The following PCDH11X variants were observed in gnomAD, a reference collection of about 807,000 sequenced individuals.
PCDH11X encodes the protein protocadherin 11 X-linked.
PCDH11X carries 18 observed loss-of-function variants against 53.3 expected under a neutral mutation model. That is an observed-to-expected ratio of 0.34 (90% confidence interval 0.23 to 0.50). PCDH11X has a LOEUF of 0.50. PCDH11X is among the 20% of genes least tolerant of loss of function. PCDH11X has a pLI of 0.98. For missense variants in PCDH11X, 570 were observed against 1,032.4 expected, an observed-to-expected ratio of 0.55 and a Z score of 6.14; for synonymous variants, 279 against 393.3, an observed-to-expected ratio of 0.71 and a Z score of 3.44.
At chrX:92,317,055 T>G (rs778461287) in intron 8 of PCDH11X, among the ~76,000 whole-genome samples, 59 of 111,608 alleles carry the variant, frequency 5.3e-4, no homozygotes, top group African/African-American at 1.9e-3. Context: ...AGAAAGTAAT[T>G]TGTAAAACTG....
chrX:92,286,523 T>C (rs1253353056), intron 8 of PCDH11X, among the ~76,000 whole-genome samples: 3 of 102,734 alleles, frequency 2.9e-5, no homozygotes, highest in African/African-American at 1.1e-4. Flanking sequence ...TAAAATAAGA[T>C]AAACAAAAGG....
At chrX:91,836,634 A>G (rs2563757) in intron 5 of PCDH11X, among the ~76,000 whole-genome samples, 12,799 of 110,651 alleles carry the variant, frequency 0.12, 1,933 homozygotes, top group African/African-American at 0.4. Context: ...TTTAGTCAAT[A>G]TTCTGTTAAT....
chrX:92,566,515 AT>A (rs1921489671), intron 10 of PCDH11X, among the ~76,000 whole-genome samples: 1 of 109,365 alleles, frequency 9.1e-6, no homozygotes, highest in South Asian at 3.9e-4. Flanking sequence ...GATGAACTAA[AT>A]CCAGATTTAG....
intron 9 of PCDH11X, among the ~76,000 whole-genome samples, chrX:92,440,984 TAGA>T (rs1208375387): frequency 9.0e-6 from 1 of 111,101 alleles, no homozygotes; most frequent in Non-Finnish European, 1.9e-5. Flanking sequence ...TGGTCTTAGA[TAGA>T]GATAAGAAAC....
At chrX:92,491,054 A>C (rs1338427745) in intron 10 of PCDH11X, among the ~76,000 whole-genome samples, 3 of 107,247 alleles carry the variant, frequency 2.8e-5, no homozygotes, top group African/African-American at 1.0e-4. Flanking sequence ...TTTGTGATCT[A>C]TTTTCATATG....
chrX:92,049,303 T>A (rs909440917), intron 6 of PCDH11X, among the ~76,000 whole-genome samples: 29 of 111,661 alleles, frequency 2.6e-4, no homozygotes, highest in African/African-American at 9.5e-4. Context: ...AACATTTTGT[T>A]TTTTACTCTT....
At chrX:91,854,606 A>G (rs2147668361) in intron 5 of PCDH11X, among the ~76,000 whole-genome samples, 1 of 112,334 alleles carries the variant, frequency 8.9e-6, no homozygotes, top group South Asian at 3.6e-4. Flanking sequence ...GTACTAATTT[A>G]CATTCCCACA....
At chrX:92,307,058 C>T (rs935612642) in intron 8 of PCDH11X, among the ~76,000 whole-genome samples, 6 of 109,520 alleles carry the variant, frequency 5.5e-5, no homozygotes, top group African/African-American at 2.0e-4. Flanking sequence ...TAACATCAAT[C>T]CCCTTCAAAT....
chrX:92,591,496 A>G (rs1325008829), intron 10 of PCDH11X, among the ~76,000 whole-genome samples: 3 of 111,098 alleles, frequency 2.7e-5, no homozygotes, highest in Non-Finnish European at 5.7e-5. Flanking sequence ...TAGAATGTGT[A>G]TTTAGGACCC....
chrX:91,785,990 G>A (rs1456035648), intron 1 of PCDH11X, among the ~76,000 whole-genome samples: 2 of 111,954 alleles, frequency 1.8e-5, no homozygotes, highest in African/African-American at 3.2e-5. Flanking sequence ...TACATCTGGA[G>A]AAACACTGCA....
intron 6 of PCDH11X, among the ~76,000 whole-genome samples, chrX:91,973,293 TG>T (rs1444024198): frequency 4.9e-3 from 153 of 31,369 alleles, no homozygotes; most frequent in African/African-American, 0.02. Context: ...TGTGGTGGGG[TG>T]GGGGGAGGGG....
rs578189235 is a variant in PCDH11X, at chrX:92,080,260, A to G, written c.3034-121115A>G. ...TTCATCTTATCCCAGTGAGACTTAC[A>G]GATTTCTGACTTTTGGATCTGTAAC... On this transcript the variant is annotated intron_variant, in intron 6 of 10. Coordinates refer to ENST00000682573, the MANE Select transcript of PCDH11X (RefSeq NM_032968.5). 1.5e-4 allele frequency among the ~76,000 whole-genome samples: 17 copies of G among 111,431 alleles called. No individual in the cohort carries two copies. The South Asian group carries it at 3.8e-3, about 25-fold the overall frequency.
At chrX:92,316,333 G>C (rs2069075712) in intron 8 of PCDH11X, among the ~76,000 whole-genome samples, 1 of 111,120 alleles carries the variant, frequency 9.0e-6, no homozygotes, top group Admixed American at 9.6e-5. Context: ...AAGATGCTGA[G>C]AAATGTAGTG....
chrX:91,780,108 G>T (rs1351564053), intron 1 of PCDH11X, among the ~76,000 whole-genome samples: 1 of 111,927 alleles, frequency 8.9e-6, no homozygotes, highest in Non-Finnish European at 1.9e-5. Context: ...GACTCGCCCG[G>T]CTGAGAGATT....
chrX:92,454,952 T>C (rs2072881517), intron 9 of PCDH11X, among the ~76,000 whole-genome samples: 1 of 109,700 alleles, frequency 9.1e-6, no homozygotes, highest in Non-Finnish European at 1.9e-5. Context: ...TTTGAGAAAA[T>C]ATTTTGAGGA....
At chrX:91,965,366 G>A (rs1410668639) in intron 6 of PCDH11X, among the ~76,000 whole-genome samples, 2 of 109,955 alleles carry the variant, frequency 1.8e-5, no homozygotes, top group Non-Finnish European at 3.8e-5. Context: ...TATTATTTTT[G>A]TATGTCAAGC....
chrX:92,201,574 A>C, intron 7 of PCDH11X, 119 bp downstream of exon 7: 1 of 413,981 alleles, frequency 2.4e-6, no homozygotes, highest in Non-Finnish European at 4.0e-6. Flanking sequence ...TCTTCAGGTG[A>C]TTTTGTGCTG....
chrX:92,470,729 C>G (rs1161742952), intron 10 of PCDH11X, among the ~76,000 whole-genome samples: 5 of 111,019 alleles, frequency 4.5e-5, no homozygotes, highest in African/African-American at 1.6e-4. Flanking sequence ...GTCTTTTATT[C>G]TGTTGATATG....
At chrX:91,975,445 G>A (rs1314639837) in intron 6 of PCDH11X, among the ~76,000 whole-genome samples, 6 of 111,325 alleles carry the variant, frequency 5.4e-5, no homozygotes, top group Non-Finnish European at 1.1e-4. Flanking sequence ...GTTGGATATA[G>A]GAAATTGGAG....
Sources: allele counts gnomAD v4.1 joint callset (sites outside exome capture counted in the v4.1 genomes callset), GRCh38; gene constraint gnomAD v4.1.1; transcripts MANE v1.5; gene names NCBI Gene and HGNC (gene_info 2026-07-23, HGNC 2026-07-21).